SLCO5A1: variants seen among roughly 807,000 people sequenced by gnomAD.
SLCO5A1 encodes organic anion transporter polypeptide-related protein 4.
SLCO5A1 carries 39 observed loss-of-function variants against 65.1 expected under a neutral mutation model. The observed-to-expected ratio is 0.60, with a 90% confidence interval of 0.46 to 0.78. The LOEUF is 0.78. Ranked by LOEUF, SLCO5A1 falls within the 30% of genes least tolerant of loss-of-function variation. The probability of loss-of-function intolerance (pLI) is 0.00; values close to 1 mark genes in which losing one functional copy is unlikely to be tolerated. For synonymous variants in SLCO5A1, 438 were observed against 415.7 expected, an observed-to-expected ratio of 1.05 and a Z score of -0.65; for missense variants, 1,029 against 1,069.4, an observed-to-expected ratio of 0.96 and a Z score of 0.53.
chr8:69,769,211 G>C (rs1818208919), intron 2 of SLCO5A1, among the ~76,000 whole-genome samples: 1 of 152,226 alleles, frequency 6.6e-6, no homozygotes, highest in Admixed American at 6.5e-5. Context: ...AGGAATGTCT[G>C]TCCTAGGTGC....
chr8:69,705,129 C>G lies in SLCO5A1; in HGVS notation c.1524G>C (p.Met508Ile). 1 of 1,614,192 alleles carries G rather than the reference C, an allele frequency of 6.2e-7. No homozygotes were observed. The highest frequency in any genetic ancestry group is 1.7e-5 in the Admixed American group (1 of 60,028). The change falls in exon 6 of 10, where the codon ATG (methionine) becomes ATC (isoleucine). Residue 508 changes from methionine (M) to isoleucine (I), a missense_variant. By Grantham distance (10) the Met-to-Ile change is conservative. Coordinates refer to ENST00000260126, the MANE Select transcript of SLCO5A1 (RefSeq NM_030958.3). ...LGARESAKLA[M>I]ICSGVSLLCF... ...ATAGTAAAGACACACCACTGCAGATCATTGCTAGTTTTGCAGATTCTCTGG... is the reference window on the plus strand; with the variant it reads ...ATAGTAAAGACACACCACTGCAGATGATTGCTAGTTTTGCAGATTCTCTGG...
At chr8:69,823,046 T>C (rs1409872405) in intron 2 of SLCO5A1, among the ~76,000 whole-genome samples, 1 of 152,228 alleles carries the variant, frequency 6.6e-6, no homozygotes, top group Non-Finnish European at 1.5e-5. Flanking sequence ...GTATTCTAGA[T>C]ATGCATCCTT....
intron 2 of SLCO5A1, among the ~76,000 whole-genome samples, chr8:69,816,494 A>G (rs750666702): frequency 2.6e-5 from 4 of 152,180 alleles, no homozygotes; most frequent in Admixed American, 6.5e-5. Flanking sequence ...CAGCAAAAGG[A>G]AACTGAAAAC....
At chr8:69,745,575 C>A (rs1345818756) in intron 4 of SLCO5A1, among the ~76,000 whole-genome samples, 1 of 152,112 alleles carries the variant, frequency 6.6e-6, no homozygotes, top group Non-Finnish European at 1.5e-5. Flanking sequence ...AAATACCAAA[C>A]AAACATACTG....
intron 3 of SLCO5A1, among the ~76,000 whole-genome samples, chr8:69,756,405 T>TA (rs941230622): frequency 2.6e-5 from 4 of 151,596 alleles, no homozygotes; most frequent in South Asian, 4.1e-4. Context: ...GAGCAAAACT[T>TA]AAAAAAAATA....
intron 4 of SLCO5A1, among the ~76,000 whole-genome samples, chr8:69,741,633 T>C (rs1816791499): frequency 6.6e-6 from 1 of 152,234 alleles, no homozygotes; most frequent in African/African-American, 2.4e-5. Flanking sequence ...ATCCCAGTGA[T>C]AAAAGCCTAT....
intron 4 of SLCO5A1, among the ~76,000 whole-genome samples, chr8:69,742,081 C>T (rs1563694695): frequency 1.3e-5 from 2 of 152,178 alleles, no homozygotes; most frequent in Non-Finnish European, 2.9e-5. Flanking sequence ...AGGAAACATA[C>T]ACTGAAGTAT....
At chr8:69,714,357 T>G (rs1815415138) in intron 5 of SLCO5A1, among the ~76,000 whole-genome samples, 1 of 152,242 alleles carries the variant, frequency 6.6e-6, no homozygotes, top group African/African-American at 2.4e-5. Context: ...AAAGGCAGCC[T>G]GCATGCGTTG....
intron 4 of SLCO5A1, among the ~76,000 whole-genome samples, chr8:69,742,262 C>A (rs1816816450): frequency 6.6e-6 from 1 of 152,086 alleles, no homozygotes; most frequent in Admixed American, 6.6e-5. Context: ...AGTTGTTAAA[C>A]CTTCCTAAAT....
At chr8:69,795,127 A>T (rs1819436109) in intron 2 of SLCO5A1, among the ~76,000 whole-genome samples, 1 of 152,080 alleles carries the variant, frequency 6.6e-6, no homozygotes, top group South Asian at 2.1e-4. Flanking sequence ...CGAGGACACA[A>T]ATCCAAGCCA....
chr8:69,712,206 C>G (rs1010890200), intron 5 of SLCO5A1, among the ~76,000 whole-genome samples: 2 of 152,156 alleles, frequency 1.3e-5, no homozygotes, highest in African/African-American at 2.4e-5. Context: ...CTGCTGCTTT[C>G]CAGCTGGAAA....
At chr8:69,725,706 C>T (rs545783473) in intron 5 of SLCO5A1, among the ~76,000 whole-genome samples, 19 of 152,256 alleles carry the variant, frequency 1.2e-4, no homozygotes, top group Admixed American at 2.0e-4. Flanking sequence ...CCCTAAGGGT[C>T]AGGAAGAAGA....
At chr8:69,701,471 T>C (rs1372499068) in intron 6 of SLCO5A1, among the ~76,000 whole-genome samples, 3 of 152,176 alleles carry the variant, frequency 2.0e-5, no homozygotes, top group Admixed American at 6.5e-5. Context: ...AGAAACATTT[T>C]ACAGTCTATT....
At chr8:69,717,849 T>C (rs1422883270) in intron 5 of SLCO5A1, among the ~76,000 whole-genome samples, 1 of 152,220 alleles carries the variant, frequency 6.6e-6, no homozygotes, top group African/African-American at 2.4e-5. Context: ...GAAATGAGGA[T>C]ACATTGTGGA....
chr8:69,698,311 G>T (rs920912545), intron 6 of SLCO5A1, among the ~76,000 whole-genome samples: 1 of 152,148 alleles, frequency 6.6e-6, no homozygotes, highest in African/African-American at 2.4e-5. Context: ...ATACTGCAAT[G>T]AACATATGTG....
At chr8:69,683,602 G>A (rs922505813) in intron 6 of SLCO5A1, among the ~76,000 whole-genome samples, 3 of 146,842 alleles carry the variant, frequency 2.0e-5, no homozygotes, top group South Asian at 2.1e-4. Flanking sequence ...TCACTCTGTC[G>A]CCCAGGCTGG....
At chr8:69,683,256 C>T (rs73686123) in intron 6 of SLCO5A1, among the ~76,000 whole-genome samples, 1 of 152,138 alleles carries the variant, frequency 6.6e-6, no homozygotes, top group African/African-American at 2.4e-5. Flanking sequence ...TTTGTGACCA[C>T]CAGTTTTGTG....
intron 2 of SLCO5A1, among the ~76,000 whole-genome samples, chr8:69,768,475 GACAAAATGCCAC>G (rs1454158635): frequency 2.0e-5 from 3 of 152,174 alleles, no homozygotes; most frequent in African/African-American, 7.2e-5. Flanking sequence ...AGGCTGCCAT[GACAAAATGCCAC>G]ACGCTGGGTG....
chr8:69,766,687 A>G (rs1818074168), intron 2 of SLCO5A1, among the ~76,000 whole-genome samples: 2 of 152,110 alleles, frequency 1.3e-5, no homozygotes, highest in South Asian at 4.1e-4. Context: ...CCCAATTCTT[A>G]CCACCCCTTT....
Sources: allele counts gnomAD v4.1 joint callset (sites outside exome capture counted in the v4.1 genomes callset), GRCh38; gene constraint gnomAD v4.1.1; transcripts MANE v1.5; gene names NCBI Gene and HGNC (gene_info 2026-07-23, HGNC 2026-07-21).